The following MYO5C variants were observed in gnomAD, a reference collection of about 807,000 sequenced individuals.
The protein encoded by MYO5C is myosin VC.
In MYO5C, 194 loss-of-function variants were observed where a neutral mutation model predicts 235.7. The observed-to-expected ratio is 0.82, with a 90% CI of 0.73 to 0.93. The LOEUF is 0.93. MYO5C is among the 40% of genes least tolerant of loss of function. The pLI is 0.00. For missense variants in MYO5C, 2,038 were observed against 2,127.2 expected (o/e 0.96, Z 0.82); for synonymous variants, 707 against 754.8 (o/e 0.94, Z 1.04).
At chr15:52,289,447 C>T (rs2037343851) in intron 1 of MYO5C, among the ~76,000 whole-genome samples, 7 of 152,206 alleles carry the variant, frequency 4.6e-5, no homozygotes, top group Admixed American at 4.6e-4. Flanking sequence ...AGCTCTCTTG[C>T]CCCTCATGTC....
rs755659123 is a variant in MYO5C at position 52,282,786 on chromosome 15, C to G, written c.134G>C (p.Gly45Ala). ...GTGAACAGCAAGGACCCTCACCGTT[C>G]CATCCTCCAGCAGGAGTCGCAGGAC... ...DKVLRLLLED[G>A]TELDYSVNPE... Residue 45 changes from glycine to alanine, a missense_variant, in exon 2 of 41, where the codon GGA (glycine) becomes GCA (alanine). Transcript: ENST00000261839. 7 of 1,605,760 alleles carry G rather than the reference C, an allele frequency of 4.4e-6. No individual in the cohort carries two copies. Among genetic ancestry groups the G allele is most frequent in the Non-Finnish European group, 6.0e-6 (7 of 1,172,374 alleles).
chr15:52,246,155 T>C (rs2036339253), intron 16 of MYO5C, 113 bp from the exon 17 acceptor site: 1 of 765,708 alleles, frequency 1.3e-6, no homozygotes, highest in Admixed American at 2.3e-5. Flanking sequence ...ACCCAGCAGA[T>C]ACTTAATAAG....
chr15:52,264,637 C>T (rs139216977), intron 8 of MYO5C, among the ~76,000 whole-genome samples: 106 of 152,302 alleles, frequency 7.0e-4, no homozygotes, highest in African/African-American at 2.4e-3. Flanking sequence ...TTTCTTTTTG[C>T]TCACAAGCTC....
intron 24 of MYO5C, among the ~76,000 whole-genome samples, chr15:52,231,586 T>C (rs997753065): frequency 1.3e-5 from 2 of 152,182 alleles, no homozygotes; most frequent in African/African-American, 4.8e-5. Flanking sequence ...CTTCATATAT[T>C]TGTTAACTCC....
intron 23 of MYO5C, among the ~76,000 whole-genome samples, chr15:52,233,440 T>C (rs2036013059): frequency 6.6e-6 from 1 of 152,218 alleles, no homozygotes; most frequent in South Asian, 2.1e-4. Flanking sequence ...GTCCCACGCA[T>C]TGCAGGATTC....
intron 30 of MYO5C, among the ~76,000 whole-genome samples, chr15:52,220,085 G>A (rs564537497): frequency 5.7e-4 from 87 of 152,326 alleles, no homozygotes; most frequent in African/African-American, 2.0e-3. Context: ...GGGCCTCCCT[G>A]AAAGCTGTCA....
intron 37 of MYO5C, 36 bp downstream of exon 37, chr15:52,205,780 C>T: frequency 7.5e-7 from 1 of 1,326,204 alleles, no homozygotes; most frequent in African/African-American, 1.5e-5. Flanking sequence ...CTTAATGTTA[C>T]TATAAATATT....
intron 38 of MYO5C, among the ~76,000 whole-genome samples, chr15:52,203,071 C>A (rs952301456): frequency 2.0e-5 from 3 of 151,780 alleles, no homozygotes; most frequent in Non-Finnish European, 4.4e-5. Context: ...CAGGTGTGCA[C>A]CACCAGGCCT....
chr15:52,228,358 G>C (rs551819924), intron 25 of MYO5C, among the ~76,000 whole-genome samples: 1 of 152,078 alleles, frequency 6.6e-6, no homozygotes, highest in Non-Finnish European at 1.5e-5. Flanking sequence ...TGGTCAGGCT[G>C]GTCTAGAACC....
intron 1 of MYO5C, among the ~76,000 whole-genome samples, chr15:52,291,750 T>TG (rs2037398704): frequency 8.3e-6 from 1 of 120,058 alleles, no homozygotes; most frequent in African/African-American, 3.1e-5. Context: ...TTTTTTTTTT[T>TG]TTTTTTGAGA....
chr15:52,253,645 C>T (rs1185982888), intron 11 of MYO5C, among the ~76,000 whole-genome samples, 188 bp from the exon 12 acceptor site: 2 of 152,254 alleles, frequency 1.3e-5, no homozygotes, highest in African/African-American at 4.8e-5. Context: ...GCGAGTCTAG[C>T]TGTCATCCTC....
intron 24 of MYO5C, among the ~76,000 whole-genome samples, chr15:52,231,029 T>C (rs1209829856): frequency 1.3e-5 from 2 of 151,914 alleles, no homozygotes; most frequent in African/African-American, 2.4e-5. Flanking sequence ...GGTTTCACCA[T>C]GTTGGCCAGC....
chr15:52,270,301 A>G (rs2036891433), intron 7 of MYO5C, among the ~76,000 whole-genome samples: 1 of 152,092 alleles, frequency 6.6e-6, no homozygotes, highest in Non-Finnish European at 1.5e-5. Flanking sequence ...AACAACAAAA[A>G]AAATCCTACA....
intron 2 of MYO5C, among the ~76,000 whole-genome samples, chr15:52,281,942 C>A (rs2037169862): frequency 6.6e-6 from 1 of 152,218 alleles, no homozygotes; most frequent in South Asian, 2.1e-4. Context: ...AGTTCTCTAC[C>A]CAGATACTTG....
intron 31 of MYO5C, 131 bp from the exon 32 acceptor site, chr15:52,218,818 T>A: frequency 1.1e-6 from 1 of 881,970 alleles, no homozygotes; most frequent in South Asian, 1.8e-5. Context: ...AAGCAAATAG[T>A]ATTCGAATAG....
chr15:52,208,539 G>A lies in MYO5C; in HGVS notation c.4386+15C>T, dbSNP rs1454571149. 1 of 1,612,972 alleles carries A rather than the reference G, an allele frequency of 6.2e-7. No homozygotes were observed. The highest frequency in any genetic ancestry group is 8.5e-7 in the Non-Finnish European group (1 of 1,179,178). ...GCTGTCAGCACAAAACAACAAGCAGGTGGGCGCCCCCTACCTCTTCTCCGC... is the reference window on the plus strand; with the variant it reads ...GCTGTCAGCACAAAACAACAAGCAGATGGGCGCCCCCTACCTCTTCTCCGC... On this transcript the variant is annotated intron_variant, in intron 36 of 40. Coordinates refer to ENST00000261839, the MANE Select transcript of MYO5C (RefSeq NM_018728.4).
intron 38 of MYO5C, among the ~76,000 whole-genome samples, chr15:52,200,445 G>A (rs1021265732): frequency 6.6e-6 from 1 of 152,090 alleles, no homozygotes; most frequent in Admixed American, 6.6e-5. Flanking sequence ...GTGGGTGCTT[G>A]TAATCCCAGC....
At chr15:52,206,382 T>A (rs2035314702) in intron 36 of MYO5C, among the ~76,000 whole-genome samples, 1 of 152,232 alleles carries the variant, frequency 6.6e-6, no homozygotes, top group Non-Finnish European at 1.5e-5. Flanking sequence ...AAAGTGTGTG[T>A]TATGGATTTT....
chr15:52,288,489 C>T (rs985212677), intron 1 of MYO5C, among the ~76,000 whole-genome samples: 2 of 152,210 alleles, frequency 1.3e-5, no homozygotes, highest in African/African-American at 4.8e-5. Flanking sequence ...GGTGCTTCTG[C>T]TGGCATTGAG....
Sources: gnomAD v4.1 joint callset for allele counts (sites outside exome capture counted in the v4.1 genomes callset) on GRCh38, gnomAD v4.1.1 for gene constraint, MANE v1.5 for transcripts, NCBI Gene and HGNC (gene_info 2026-07-23, HGNC 2026-07-21) for gene names.